Variants in FOXP1 observed in about 807,000 individuals in gnomAD.
The protein encoded by FOXP1 is forkhead box protein P1.
Under a neutral mutation model 98.2 loss-of-function variants are expected in FOXP1, and 15 were observed. The observed-to-expected ratio is 0.15, with a 90% CI of 0.10 to 0.24. The LOEUF (loss-of-function observed/expected upper bound fraction) is 0.24. FOXP1 is among the 10% of genes least tolerant of loss of function. The pLI is 1.00. For missense variants in FOXP1, 633 were observed against 848.5 expected (o/e 0.75, Z 3.15); for synonymous variants, 371 against 314.5 (o/e 1.18, Z -1.90).
chr3:71,583,895 C>A, upstream of FOXP1: 1 of 985,152 alleles, frequency 1.0e-6, no homozygotes. Flanking sequence ...GGGGTCCCCT[C>A]TCCGCTTCAC....
chr3:71,339,970 T>C (rs896745768), intron 4 of FOXP1, among the ~76,000 whole-genome samples: 12 of 152,220 alleles, frequency 7.9e-5, no homozygotes, highest in Admixed American at 6.5e-4. Context: ...TAAACTATTT[T>C]ATTGCTCATA....
rs78846246 is a variant in FOXP1 at position 71,326,020 on chromosome 3, A to T, written c.-72-26140T>A. 3.9e-3 allele frequency among the ~76,000 whole-genome samples: 600 copies of T among 152,320 alleles called. 3 individuals are homozygous for T. Among genetic ancestry groups the T allele is most frequent in the African/African-American group, 0.013 (552 of 41,572 alleles). ...ATATAGCCCTCAGTGTATTCAAAACAGAAAAATACTTTATTTGGCGTGCAT... is the reference window on the plus strand; with the variant it reads ...ATATAGCCCTCAGTGTATTCAAAACTGAAAAATACTTTATTTGGCGTGCAT... On this transcript the variant is annotated intron_variant, in intron 4 of 20. Coordinates refer to ENST00000649528, the MANE Select transcript of FOXP1 (RefSeq NM_001349338.3).
intron 12 of FOXP1, 43 bp downstream of exon 12, chr3:71,015,506 G>T: frequency 7.4e-7 from 1 of 1,354,566 alleles, no homozygotes; most frequent in Non-Finnish European, 1.1e-6. Flanking sequence ...GGTGGGAGGT[G>T]TTGGCTATGT....
rs534042831 is a variant in FOXP1, at chr3:71,147,521, C to T, written c.181-34884G>A. Among the ~76,000 whole-genome samples, 167 of 152,308 alleles carry T rather than the reference C, an allele frequency of 1.1e-3. 1 individual carries two copies. The highest frequency in any genetic ancestry group is 4.7e-4 in the Non-Finnish European group (32 of 68,020). ...ATCTTATCACCTCAGAGGTAACATC[C>T]TCTCCACCATTAATGCCCCCCATCA... On this transcript the variant is annotated intron_variant, in intron 6 of 20. Transcript: ENST00000649528.
intron 6 of FOXP1, among the ~76,000 whole-genome samples, chr3:71,173,678 C>T (rs772984276): frequency 6.6e-5 from 10 of 151,998 alleles, no homozygotes; most frequent in African/African-American, 9.7e-5. Flanking sequence ...AAGGAATTAC[C>T]GAGGTTATCT....
At chr3:71,552,066 TAAC>T (rs1396910811) in intron 2 of FOXP1, among the ~76,000 whole-genome samples, 1 of 152,116 alleles carries the variant, frequency 6.6e-6, no homozygotes, top group Non-Finnish European at 1.5e-5. Context: ...GACACACAGA[TAAC>T]AAAACAAAAT....
intron 2 of FOXP1, chr3:71,581,205 T>C: frequency 7.1e-6 from 7 of 985,252 alleles, no homozygotes; most frequent in Non-Finnish European, 8.4e-6. Context: ...GCAAGGGTAT[T>C]TGGATACAAT....
At chr3:71,570,011 C>T (rs367952790) in intron 2 of FOXP1, among the ~76,000 whole-genome samples, 21 of 152,042 alleles carry the variant, frequency 1.4e-4, no homozygotes, top group African/African-American at 3.4e-4. Flanking sequence ...CTCCTGACCT[C>T]GTGATCCACC....
intron 3 of FOXP1, among the ~76,000 whole-genome samples, chr3:71,454,965 C>T (rs762649948): frequency 2.6e-5 from 4 of 152,122 alleles, no homozygotes; most frequent in Non-Finnish European, 5.9e-5. Context: ...TTTCAATATA[C>T]TGTTAAACTG....
intron 11 of FOXP1, among the ~76,000 whole-genome samples, chr3:71,019,887 G>A (rs932782394): frequency 2.0e-5 from 3 of 151,938 alleles, no homozygotes; most frequent in Non-Finnish European, 2.9e-5. Context: ...ATAAAACCAC[G>A]GGCTTGATGA....
intron 12 of FOXP1, among the ~76,000 whole-genome samples, chr3:71,011,232 C>T (rs1192461781): frequency 6.6e-6 from 1 of 152,146 alleles, no homozygotes; most frequent in Admixed American, 6.5e-5. Flanking sequence ...CTTGAAGCAA[C>T]TTTCTCATCC....
chr3:71,208,694 C>T (rs2064233186), intron 5 of FOXP1, among the ~76,000 whole-genome samples: 1 of 152,090 alleles, frequency 6.6e-6, no homozygotes, highest in African/African-American at 2.4e-5. Flanking sequence ...ACAAACACAT[C>T]ATCTTACAAG....
chr3:71,031,475 C>T (rs1459832939), intron 11 of FOXP1, among the ~76,000 whole-genome samples: 1 of 152,072 alleles, frequency 6.6e-6, no homozygotes, highest in East Asian at 1.9e-4. Flanking sequence ...AGGCTTTTTG[C>T]CTCCTGGTGA....
rs200561552 is a variant in FOXP1 at position 71,070,705 on chromosome 3, G to A, written c.283-16932C>T. Among the ~76,000 whole-genome samples, 5 of 152,162 alleles carry A rather than the reference G, an allele frequency of 3.3e-5. No homozygotes were observed. In the East Asian group the frequency reaches 9.6e-4, roughly 29 times the overall value. Reference sequence around the variant, plus strand: ...AGCTGAAGGAGGGCTCTGGGCATTAGGGGGTAAATTTCTGCAGCAGCGTGC... The same window carrying A: ...AGCTGAAGGAGGGCTCTGGGCATTAAGGGGTAAATTTCTGCAGCAGCGTGC... On this transcript the variant is annotated intron_variant, in intron 7 of 20. Transcript: ENST00000649528.
intron 6 of FOXP1, among the ~76,000 whole-genome samples, chr3:71,128,134 G>A (rs1214068579): frequency 1.3e-5 from 2 of 152,128 alleles, no homozygotes; most frequent in African/African-American, 4.8e-5. Flanking sequence ...GACTGGGCCA[G>A]GCACTGTGCT....
intron 10 of FOXP1, among the ~76,000 whole-genome samples, chr3:71,042,051 T>C (rs528879174): frequency 5.9e-5 from 9 of 152,338 alleles, no homozygotes; most frequent in African/African-American, 1.9e-4. Context: ...TGAAATGCTT[T>C]TCAACTTTTA....
intron 7 of FOXP1, among the ~76,000 whole-genome samples, chr3:71,074,873 CT>C (rs1242851673): frequency 6.6e-6 from 1 of 152,162 alleles, no homozygotes; most frequent in African/African-American, 2.4e-5. Context: ...CTCATGCATT[CT>C]TTTTGAGTTA....
chr3:71,304,124 T>C (rs1428394320), intron 4 of FOXP1, among the ~76,000 whole-genome samples: 1 of 152,204 alleles, frequency 6.6e-6, no homozygotes, highest in Admixed American at 6.5e-5. Context: ...GAGTCCATTC[T>C]AGTAGGGCAA....
intron 7 of FOXP1, among the ~76,000 whole-genome samples, chr3:71,074,508 T>C (rs2053600941): frequency 6.6e-6 from 1 of 152,182 alleles, no homozygotes; most frequent in South Asian, 2.1e-4. Flanking sequence ...ATTACAGGCG[T>C]TGAGTCACTG....
Sources: gnomAD v4.1 joint callset for allele counts (sites outside exome capture counted in the v4.1 genomes callset) on GRCh38, gnomAD v4.1.1 for gene constraint, MANE v1.5 for transcripts, NCBI Gene and HGNC (gene_info 2026-07-23, HGNC 2026-07-21) for gene names.